NUP210L: variants seen among roughly 807,000 people sequenced by gnomAD.
The protein encoded by NUP210L is nuclear pore membrane glycoprotein 210-like.
NUP210L carries 74 observed loss-of-function variants against 208.5 expected under a neutral mutation model. That is an observed-to-expected ratio of 0.35 (90% CI 0.29 to 0.43). NUP210L has a LOEUF of 0.43. Ranked by LOEUF, NUP210L falls within the 20% of genes least tolerant of loss-of-function variation. The pLI is 1.00. For synonymous variants in NUP210L, 780 were observed against 816.9 expected, an observed-to-expected ratio of 0.95 and a Z score of 0.77; for missense variants, 1,843 against 2,289.4, an observed-to-expected ratio of 0.81 and a Z score of 3.98.
At chr1:154,124,465 C>T (rs911741931) in intron 10 of NUP210L, among the ~76,000 whole-genome samples, 2 of 152,060 alleles carry the variant, frequency 1.3e-5, no homozygotes, top group Non-Finnish European at 2.9e-5. Context: ...AGATTCATTC[C>T]TTATCCCTTT....
chr1:154,145,505 A>G (rs1196268771), intron 2 of NUP210L, among the ~76,000 whole-genome samples: 1 of 152,126 alleles, frequency 6.6e-6, no homozygotes, highest in Non-Finnish European at 1.5e-5. Context: ...AAGGGCTAAG[A>G]TGCAATAAAG....
At chr1:153,993,341 C>T (rs1418866890) in intron 38 of NUP210L, among the ~76,000 whole-genome samples, 5 of 151,834 alleles carry the variant, frequency 3.3e-5, no homozygotes, top group African/African-American at 7.3e-5. Context: ...CTGAGGTGGG[C>T]GGATCACGAG....
At chr1:154,058,475 C>G in intron 21 of NUP210L, 90 bp downstream of exon 21, 1 of 1,434,984 alleles carries the variant, frequency 7.0e-7, no homozygotes, top group East Asian at 2.3e-5. Context: ...GGTATACACA[C>G]ACAGTAGCTG....
At chr1:154,147,967 TTAAG>T (rs1425031378) in intron 2 of NUP210L, among the ~76,000 whole-genome samples, 12 of 138,568 alleles carry the variant, frequency 8.7e-5, no homozygotes, top group African/African-American at 2.6e-4. Context: ...CCAACACTCT[TTAAG>T]TGTCAAGGCC....
intron 37 of NUP210L, chr1:153,995,493 A>G (rs746055543): frequency 6.9e-6 from 4 of 583,430 alleles, no homozygotes; most frequent in Non-Finnish European, 1.2e-5. Flanking sequence ...TCCTATCTCC[A>G]GAGTAATACA....
intron 7 of NUP210L, among the ~76,000 whole-genome samples, chr1:154,131,314 G>T (rs1306300330): frequency 3.3e-5 from 5 of 150,736 alleles, no homozygotes; most frequent in African/African-American, 1.2e-4. Context: ...AGGAAAGTCA[G>T]CAATAACAAC....
chr1:154,026,266 G>A (rs779269451), intron 29 of NUP210L, among the ~76,000 whole-genome samples: 2 of 152,198 alleles, frequency 1.3e-5, no homozygotes, highest in African/African-American at 4.8e-5. Flanking sequence ...CAAAACAATT[G>A]AAAGCAGGTA....
chr1:154,041,051 A>G (rs1247341008), intron 27 of NUP210L, among the ~76,000 whole-genome samples: 3 of 151,620 alleles, frequency 2.0e-5, no homozygotes, highest in South Asian at 2.1e-4. Context: ...TGCAAACTCA[A>G]CCTCCTGGGC....
chr1:154,063,111 G>A (rs536158436), intron 17 of NUP210L, among the ~76,000 whole-genome samples: 2 of 152,278 alleles, frequency 1.3e-5, no homozygotes, highest in Non-Finnish European at 2.9e-5. Context: ...GAAACCCATA[G>A]TTTAGTGAGG....
chr1:154,136,919 C>CAAAAAAAAAAA (rs11374907), intron 6 of NUP210L, among the ~76,000 whole-genome samples: 1 of 62,996 alleles, frequency 1.6e-5, no homozygotes, highest in Non-Finnish European at 2.7e-5. Flanking sequence ...GAATCCATCT[C>CAAAAAAAAAAA]AAAAAAAAAA....
intron 17 of NUP210L, among the ~76,000 whole-genome samples, chr1:154,063,245 T>C (rs183417830): frequency 1.3e-5 from 2 of 152,264 alleles, no homozygotes; most frequent in East Asian, 1.9e-4. Context: ...ACCGGGAATA[T>C]AGAGGGACAG....
At chr1:153,994,254 G>A (rs1649685826) in intron 38 of NUP210L, among the ~76,000 whole-genome samples, 1 of 152,080 alleles carries the variant, frequency 6.6e-6, no homozygotes, top group Admixed American at 6.6e-5. Context: ...TTTAGTAGTG[G>A]TTTCCACTTC....
At chr1:154,025,387 C>T (rs1486828819) in intron 30 of NUP210L, among the ~76,000 whole-genome samples, 155 bp downstream of exon 30, 3 of 130,312 alleles carry the variant, frequency 2.3e-5, no homozygotes, top group African/African-American at 9.1e-5. Flanking sequence ...TTCATGTTCT[C>T]TCATGATACA....
chr1:154,095,130 C>G, exon 15 of NUP210L: 1 of 1,613,686 alleles, frequency 6.2e-7, no homozygotes, highest in Non-Finnish European at 8.5e-7. Context: ...GCCATGTCAC[C>G]AATGCCACTT....
intron 32 of NUP210L, among the ~76,000 whole-genome samples, 171 bp downstream of exon 32, chr1:154,021,955 G>A (rs1457070642): frequency 6.6e-6 from 1 of 152,058 alleles, no homozygotes; most frequent in South Asian, 2.1e-4. Flanking sequence ...TTGCTTTCTT[G>A]AACTTCTGGC....
chr1:153,997,531 G>A (rs1649964598), intron 37 of NUP210L, among the ~76,000 whole-genome samples: 1 of 147,970 alleles, frequency 6.8e-6, no homozygotes, highest in Non-Finnish European at 1.5e-5. Context: ...GCAGTGGTGA[G>A]ATCTCAGCTC....
chr1:154,050,403 G>C (rs1311853890), intron 25 of NUP210L, among the ~76,000 whole-genome samples: 3 of 152,138 alleles, frequency 2.0e-5, no homozygotes, highest in Non-Finnish European at 2.9e-5. Flanking sequence ...AGTCCATAAA[G>C]CTCAAAAGAT....
intron 27 of NUP210L, among the ~76,000 whole-genome samples, chr1:154,040,897 TTTC>T (rs1652839294): frequency 6.6e-6 from 1 of 151,236 alleles, no homozygotes; most frequent in Non-Finnish European, 1.5e-5. Flanking sequence ...AGCCAGATTC[TTTC>T]TTATGTTACC....
At chr1:154,133,505 C>G (rs1658360363) in intron 7 of NUP210L, among the ~76,000 whole-genome samples, 1 of 148,848 alleles carries the variant, frequency 6.7e-6, no homozygotes, top group South Asian at 2.1e-4. Flanking sequence ...CCTCTGCACT[C>G]TAACCTGGGC....
Sources: gnomAD v4.1 joint callset for allele counts (sites outside exome capture counted in the v4.1 genomes callset) on GRCh38, gnomAD v4.1.1 for gene constraint, MANE v1.5 for transcripts, NCBI Gene and HGNC (gene_info 2026-07-23, HGNC 2026-07-21) for gene names.